ZNF24: variants seen among roughly 807,000 people sequenced by gnomAD.
ZNF24 encodes retinoic acid suppression protein A.
In ZNF24, 11 loss-of-function variants were observed where a neutral mutation model predicts 40.9. That is an observed-to-expected ratio of 0.27 (90% CI 0.17 to 0.45). ZNF24 has a LOEUF of 0.45. Ranked by LOEUF, ZNF24 falls within the 20% of genes least tolerant of loss-of-function variation. The pLI is 1.00. For missense variants in ZNF24, 293 were observed against 437.7 expected (o/e 0.67, Z 2.95); for synonymous variants, 139 against 154.7 (o/e 0.90, Z 0.75).
At chr18:35,339,168 T>A (rs1408360563) in intron 3 of ZNF24, 2 of 839,536 alleles carry the variant, frequency 2.4e-6, no homozygotes, top group Non-Finnish European at 3.9e-6. Flanking sequence ...TATCAAAGGA[T>A]ACACATAAGT....
At chr18:35,339,763 A>C in intron 3 of ZNF24, 66 bp downstream of exon 3, 1 of 1,413,244 alleles carries the variant, frequency 7.1e-7, no homozygotes, top group Non-Finnish European at 9.4e-7. Context: ...GAGAACAAGC[A>C]AAGTTCTGAA....
chr18:35,337,629 C>T lies in ZNF24; in HGVS notation c.710G>A (p.Gly237Asp). 1.9e-6 allele frequency: 3 copies of T among 1,614,060 alleles called. No individual in the cohort carries two copies. Among genetic ancestry groups the T allele is most frequent in the Non-Finnish European group, 2.5e-6 (3 of 1,179,996 alleles). ...GGGATTTCTCTTTCTTTCAAACCTG[C>T]CCTTGGGGAAACAGGTTTCTCCATA... ...FKYGETCFPK[G>D]RFERKRNPSR... The change falls in exon 4 of 4, where the codon GGC (glycine) becomes GAC (aspartate). Residue 237 changes from glycine (G) to aspartate (D), a missense_variant. By Grantham distance (94) the Gly-to-Asp change is moderately conservative. This residue lies in a region of ZNF24 where 234 missense variants were observed against 299.2 expected (regional missense o/e 0.78). Transcript: ENST00000261332.
At position 35,336,512 on chromosome 18, in the gene ZNF24, CATT is replaced by C. The variant is rs1309059124; in HGVS notation, c.*717_*719del. The C allele has an allele frequency of 1.3e-5, 2 of 152,084 alleles. No individual in the cohort carries two copies. Among genetic ancestry groups the C allele is most frequent in the Non-Finnish European group, 2.9e-5 (2 of 68,014 alleles). 9.4% of individuals were successfully genotyped at this position (152,084 alleles called of 1,614,324 possible). A position where few individuals can be genotyped will look rare whatever the true frequency, so the allele number is the denominator to read the frequency against. ...TGCTTTTTAATAATATATGGGAAAA[CATT>C]ATTTTCATTAGTAAGATGACTCCAA... On this transcript the variant is annotated 3_prime_UTR_variant, in exon 4 of 4. Transcript: ENST00000261332.
At position 35,340,028 on chromosome 18, in the gene ZNF24, C is replaced by T; in HGVS notation, c.421-52G>A. 6.4e-7 allele frequency: 1 copy of T among 1,573,278 alleles called. No homozygotes were observed. Among genetic ancestry groups the T allele is most frequent in the Non-Finnish European group, 8.7e-7 (1 of 1,153,472 alleles). On this transcript the variant is annotated intron_variant, in intron 2 of 3. Coordinates refer to ENST00000261332, the MANE Select transcript of ZNF24 (RefSeq NM_006965.4). This position sits in a 1 kb window ranked among gnomAD's most constrained non-coding sequence, Gnocchi z 4.6. ...GAAGGAACTGTAATGAGAATCAGAA[C>T]TAAAAACACGTAAGAGAAACCCCAT...
chr18:35,338,117 T>G, intron 3 of ZNF24: 3 of 921,040 alleles, frequency 3.3e-6, no homozygotes, highest in Non-Finnish European at 3.9e-6. Context: ...TAAAATAAAA[T>G]TGGCCACTAG....
chr18:35,339,362 A>C (rs1185134594), intron 3 of ZNF24, among the ~76,000 whole-genome samples: 1 of 152,248 alleles, frequency 6.6e-6, no homozygotes, highest in Non-Finnish European at 1.5e-5. Flanking sequence ...GCTTCTTAGA[A>C]GAAAATGACT....
intron 3 of ZNF24, chr18:35,338,282 G>A: frequency 2.0e-6 from 2 of 985,574 alleles, no homozygotes; most frequent in African/African-American, 1.7e-5. Context: ...CAGAACACAG[G>A]AGTCTTGACA....
At chr18:35,338,491 C>T in intron 3 of ZNF24, 2 of 985,556 alleles carry the variant, frequency 2.0e-6, no homozygotes, top group South Asian at 4.7e-5. Flanking sequence ...GAATTACCAA[C>T]ATGGGTTAGC....
chr18:35,338,877 C>T (rs1598686320), intron 3 of ZNF24: 1 of 1,377,088 alleles, frequency 7.3e-7, no homozygotes, highest in Non-Finnish European at 9.3e-7. Context: ...CCCCATATAT[C>T]AAGAATGATA....
intron 3 of ZNF24, chr18:35,338,667 A>G (rs569702045): frequency 7.6e-6 from 8 of 1,050,024 alleles, no homozygotes; most frequent in South Asian, 8.2e-5. Context: ...AGATAAGGCT[A>G]AGAGAGAGAG....
Position 35,337,148 on chromosome 18 carries a change from T to G in ZNF24, c.*84A>C. ...TGACAGTCAATAGGGAAAAAACTAT[T>G]CTGCATCATTTCATATTTTAAATTT... On this transcript the variant is annotated 3_prime_UTR_variant, in exon 4 of 4. Transcript: ENST00000261332. 1 of 1,162,432 alleles carries G rather than the reference T, an allele frequency of 8.6e-7. No individual in the cohort carries two copies. The highest frequency in any genetic ancestry group is 1.1e-6 in the Non-Finnish European group (1 of 875,492). 72.0% of individuals were successfully genotyped at this position (1,162,432 alleles called of 1,614,324 possible).
chr18:35,343,860 G>A (rs2072626), intron 1 of ZNF24: 119,049 of 150,594 alleles, frequency 0.79, 45,930 homozygotes, highest in African/African-American at 0.84. Context: ...TCCCGGCCCC[G>A]GCCCCGGCCC....
At chr18:35,337,917 G>A in intron 3 of ZNF24, 147 bp from the exon 4 acceptor site, 10 of 628,586 alleles carry the variant, frequency 1.6e-5, no homozygotes, top group Middle Eastern at 4.6e-4. Flanking sequence ...TCTCAAAAAA[G>A]AAAAAATGAA....
rs55980130 is a variant in ZNF24, at chr18:35,337,836, T to A, written c.569-66A>T. The A allele has an allele frequency of 1.5e-3, 1,885 of 1,244,374 alleles. 15 individuals carry two copies. In the African/African-American group the frequency reaches 0.022, roughly 14 times the overall value. 77.1% of individuals were successfully genotyped at this position (1,244,374 alleles called of 1,614,324 possible). A position where few individuals can be genotyped will look rare whatever the true frequency, so the allele number is the denominator to read the frequency against. ...TAAGGGAAAAGAAACCTAAAAAAAA[T>A]TTTTTTTTTAATGAACTAAAATAGC... On this transcript the variant is annotated intron_variant, in intron 3 of 3. Transcript: ENST00000261332.
At chr18:35,342,643 A>T (rs1343510420) in intron 1 of ZNF24, 1 of 152,110 alleles carries the variant, frequency 6.6e-6, no homozygotes, top group East Asian at 1.9e-4. Flanking sequence ...TACAGTATTC[A>T]GTACAGCAAC....
At position 35,334,269 on chromosome 18, in the gene ZNF24, C is replaced by T. The variant is rs1278265623; in HGVS notation, c.*2963G>A. On this transcript the variant is annotated 3_prime_UTR_variant, in exon 4 of 4. Transcript: ENST00000261332. ...CACAAATTTATCAAGGTTTAATAGC[C>T]ACCACCCATGGCATGGTGAATATGT... is the stretch of plus-strand genomic sequence containing the variant. The T allele has an allele frequency of 6.6e-6, 1 of 152,128 alleles. No homozygotes were observed. Among genetic ancestry groups the T allele is most frequent in the African/African-American group, 2.4e-5 (1 of 41,406 alleles). The allele number at this position is 152,128 out of a possible 1,614,324, so 9.4% of individuals were successfully genotyped here.
rs2044917190 is a variant in ZNF24, at chr18:35,337,049, G to A, written c.*183C>T. 1 of 493,802 alleles carries A rather than the reference G, an allele frequency of 2.0e-6. No individual in the cohort carries two copies. The highest frequency in any genetic ancestry group is 3.3e-6 in the Non-Finnish European group (1 of 303,884). The allele number at this position is 493,802 out of a possible 1,614,324, so 30.6% of individuals were successfully genotyped here. A position where few individuals can be genotyped will look rare whatever the true frequency, so the allele number is the denominator to read the frequency against. ...AGTTTAAAATTTCAGTTTCTAGGCA[G>A]GTATGACACCATTTCTTTCAAGATA... On this transcript the variant is annotated 3_prime_UTR_variant, in exon 4 of 4. Coordinates refer to ENST00000261332, the MANE Select transcript of ZNF24 (RefSeq NM_006965.4).
chr18:35,338,951 A>C (rs1282990603), intron 3 of ZNF24: 1 of 1,488,410 alleles, frequency 6.7e-7, no homozygotes, highest in Non-Finnish European at 8.9e-7. Context: ...GATTTTCAGC[A>C]GACTTCAGCC....
intron 1 of ZNF24, chr18:35,342,619 G>A (rs551179094): frequency 1.7e-4 from 26 of 150,292 alleles, no homozygotes; most frequent in African/African-American, 5.4e-4. Context: ...AGTTAGCATT[G>A]TGTTACAATT....
Sources: allele counts gnomAD v4.1 joint callset (sites outside exome capture counted in the v4.1 genomes callset), GRCh38; gene constraint gnomAD v4.1.1; regional missense constraint gnomAD v4.1.1; non-coding constraint Gnocchi (gnomAD v3.1); transcripts MANE v1.5; gene names NCBI Gene and HGNC (gene_info 2026-07-23, HGNC 2026-07-21).